Variants in ACYP2 observed in about 807,000 individuals in gnomAD.
ACYP2 encodes acylphosphatase-2.
A neutral mutation model predicts 11.2 loss-of-function variants in ACYP2; 12 were observed. The ratio of observed to expected loss-of-function variants is 1.08; its 90% confidence interval spans 0.69 to 1.74. ACYP2 has a LOEUF of 1.74. ACYP2 is among the 40% of genes most tolerant of loss of function. ACYP2 has a pLI of 0.00. For missense variants in ACYP2, 134 were observed against 101.9 expected (o/e 1.31, Z -1.35); for synonymous variants, 43 against 32.2 (o/e 1.33, Z -1.13).
chr2:54,190,168 T>C (rs1212392705), intron 6 of ACYP2, among the ~76,000 whole-genome samples: 2 of 152,286 alleles, frequency 1.3e-5, no homozygotes. Context: ...TGCCTTTTCA[T>C]TTTGTTGATT....
At chr2:54,099,273 C>T (rs1678758117) in intron 4 of ACYP2, among the ~76,000 whole-genome samples, 1 of 152,154 alleles carries the variant, frequency 6.6e-6, no homozygotes, top group African/African-American at 2.4e-5. Context: ...CAAATACTTA[C>T]TTTTGTGTGG....
intron 6 of ACYP2, among the ~76,000 whole-genome samples, chr2:54,266,521 C>G (rs940824603): frequency 7.0e-6 from 1 of 142,730 alleles, no homozygotes; most frequent in Admixed American, 7.2e-5. Flanking sequence ...AACTGAGGTG[C>G]AGAAATATAT....
chr2:53,996,019 A>C (rs1230849036), intron 2 of ACYP2, among the ~76,000 whole-genome samples: 1 of 151,990 alleles, frequency 6.6e-6, no homozygotes, highest in Admixed American at 6.6e-5. Context: ...CTGTAATCCC[A>C]GCTACATGGG....
chr2:54,054,453 G>A (rs1366804391), intron 3 of ACYP2, among the ~76,000 whole-genome samples: 1 of 152,200 alleles, frequency 6.6e-6, no homozygotes, highest in East Asian at 1.9e-4. Context: ...ATATTCTGCT[G>A]ACAGATTGAT....
intron 2 of ACYP2, among the ~76,000 whole-genome samples, chr2:54,023,701 T>TAC (rs1674121438): frequency 6.6e-6 from 1 of 152,098 alleles, no homozygotes; most frequent in Non-Finnish European, 1.5e-5. Context: ...AAAATAAACT[T>TAC]AAAGTTTTTT....
At chr2:54,251,049 G>C (rs1330375832) in intron 6 of ACYP2, among the ~76,000 whole-genome samples, 1 of 152,160 alleles carries the variant, frequency 6.6e-6, no homozygotes, top group Non-Finnish European at 1.5e-5. Flanking sequence ...TGGATTTGAT[G>C]ATCTATTTGG....
At chr2:54,233,129 TTATTC>T (rs1404985489) in intron 6 of ACYP2, among the ~76,000 whole-genome samples, 3 of 152,140 alleles carry the variant, frequency 2.0e-5, no homozygotes, top group African/African-American at 4.8e-5. Context: ...ATTTTTTTCT[TTATTC>T]TATTAATGTG....
chr2:54,295,471 A>G (rs2104154712), intron 6 of ACYP2, among the ~76,000 whole-genome samples: 1 of 152,302 alleles, frequency 6.6e-6, no homozygotes, highest in East Asian at 1.9e-4. Context: ...AATGAGTTAA[A>G]AAGTAGCATT....
intron 5 of ACYP2, among the ~76,000 whole-genome samples, chr2:54,136,375 T>C (rs376819680): frequency 1.3e-5 from 2 of 152,228 alleles, no homozygotes; most frequent in African/African-American, 2.4e-5. Context: ...TACAACTTAA[T>C]TGTGGCATGC....
At chr2:54,155,476 C>T (rs13425449) in intron 6 of ACYP2, among the ~76,000 whole-genome samples, 34,526 of 152,084 alleles carry the variant, frequency 0.23, 3,821 homozygotes, top group East Asian at 0.31. Flanking sequence ...AGGTGAGTGG[C>T]AGTACCACCT....
intron 2 of ACYP2, among the ~76,000 whole-genome samples, chr2:54,028,911 A>G (rs1011379242): frequency 6.6e-6 from 1 of 152,166 alleles, no homozygotes; most frequent in Non-Finnish European, 1.5e-5. Flanking sequence ...GTAATCCCAG[A>G]ATTTTGAGAA....
At chr2:54,135,844 A>G (rs1432232851) in intron 5 of ACYP2, among the ~76,000 whole-genome samples, 2 of 152,224 alleles carry the variant, frequency 1.3e-5, no homozygotes, top group African/African-American at 4.8e-5. Flanking sequence ...CTAATGTTGC[A>G]TAATGAAGTG....
intron 6 of ACYP2, chr2:54,255,203 A>C (rs1572999930): frequency 1.9e-6 from 3 of 1,614,180 alleles, no homozygotes; most frequent in Non-Finnish European, 2.5e-6. Flanking sequence ...TGGCCGAAGG[A>C]TCTGACCTCA....
chr2:54,015,067 G>A (rs1673603922), intron 2 of ACYP2, among the ~76,000 whole-genome samples: 1 of 152,164 alleles, frequency 6.6e-6, no homozygotes, highest in Admixed American at 6.5e-5. Flanking sequence ...CTGGGAGTGA[G>A]TTAGAAAGTC....
At chr2:53,979,015 A>G (rs529979651) in intron 2 of ACYP2, among the ~76,000 whole-genome samples, 19 of 152,294 alleles carry the variant, frequency 1.2e-4, no homozygotes, top group Non-Finnish European at 2.5e-4. Flanking sequence ...TATTTGCTAT[A>G]CTATACCTTG....
intron 2 of ACYP2, among the ~76,000 whole-genome samples, chr2:54,015,577 A>G (rs996808100): frequency 3.3e-5 from 5 of 150,204 alleles, no homozygotes; most frequent in Admixed American, 6.7e-5. Flanking sequence ...GAGCCTGGGG[A>G]GGTGGAGGAT....
chr2:54,246,279 C>T (rs1686948647), intron 6 of ACYP2, among the ~76,000 whole-genome samples: 1 of 152,046 alleles, frequency 6.6e-6, no homozygotes, highest in Non-Finnish European at 1.5e-5. Flanking sequence ...CCCTACCCTT[C>T]TCCAATTTTT....
intron 2 of ACYP2, among the ~76,000 whole-genome samples, chr2:54,004,690 G>A (rs1422732754): frequency 6.6e-6 from 1 of 152,014 alleles, no homozygotes; most frequent in Non-Finnish European, 1.5e-5. Context: ...GATTACAGGT[G>A]TGAGCCACCG....
At position 54,138,590 on chromosome 2, in the gene ACYP2, T is replaced by C. The variant is rs184429513; in HGVS notation, c.295-49T>C. 3.0e-3 allele frequency: 4,443 copies of C among 1,463,436 alleles called. 22 individuals are homozygous for C. The highest frequency in any genetic ancestry group is 4.4e-3 in the Middle Eastern group (25 of 5,688). 90.7% of individuals were successfully genotyped at this position (1,463,436 alleles called of 1,614,324 possible). A position where few individuals can be genotyped will look rare whatever the true frequency, so the allele number is the denominator to read the frequency against. Reference sequence around the variant, plus strand: ...TATTAGAATCAAGTATGTTATGAACTCAGACTTTTGATGCTGCACTTTATT... The same window carrying C: ...TATTAGAATCAAGTATGTTATGAACCCAGACTTTTGATGCTGCACTTTATT... On this transcript the variant is annotated intron_variant, in intron 5 of 6. Coordinates refer to ENST00000607452, the MANE Select transcript of ACYP2 (RefSeq NM_001320586.2).
Sources: allele counts gnomAD v4.1 joint callset (sites outside exome capture counted in the v4.1 genomes callset), GRCh38; gene constraint gnomAD v4.1.1; transcripts MANE v1.5; gene names NCBI Gene and HGNC (gene_info 2026-07-23, HGNC 2026-07-21).